CCSER1: variants seen among roughly 807,000 people sequenced by gnomAD.
CCSER1 encodes serine-rich coiled-coil domain-containing protein 1.
Under a neutral mutation model 82.0 loss-of-function variants are expected in CCSER1, and 41 were observed. The ratio of observed to expected loss-of-function variants is 0.50; its 90% confidence interval spans 0.39 to 0.65. The LOEUF is 0.65. Among genes scored for constraint, CCSER1 ranks in the 30% least tolerant of loss-of-function variants. CCSER1 has a pLI of 0.00. For missense variants in CCSER1, 1,119 were observed against 1,064.2 expected, an observed-to-expected ratio of 1.05 and a Z score of -0.72; for synonymous variants, 414 against 383.9, an observed-to-expected ratio of 1.08 and a Z score of -0.92.
intron 4 of CCSER1, among the ~76,000 whole-genome samples, chr4:90,464,319 T>C (rs1210645271): frequency 6.6e-6 from 1 of 152,220 alleles, no homozygotes; most frequent in Non-Finnish European, 1.5e-5. Context: ...GGATAAGCAA[T>C]TTTTGTGACT....
chr4:91,023,412 C>A (rs1740191255), intron 9 of CCSER1, among the ~76,000 whole-genome samples: 1 of 152,174 alleles, frequency 6.6e-6, no homozygotes, highest in Non-Finnish European at 1.5e-5. Context: ...AACTATACTA[C>A]AAGGCTACAG....
chr4:90,376,796 A>T (rs1748390123), intron 3 of CCSER1, among the ~76,000 whole-genome samples: 1 of 152,138 alleles, frequency 6.6e-6, no homozygotes, highest in African/African-American at 2.4e-5. Flanking sequence ...TGTTAAAGAC[A>T]CAATTCTCCA....
At position 91,600,447 on chromosome 4, in the gene CCSER1, T is replaced by C. The variant is rs1764776460; in HGVS notation, c.*1390T>C. On this transcript the variant is annotated 3_prime_UTR_variant, in exon 11 of 11. Transcript: ENST00000509176. ...AGCCATAGTCCATGCAAATTGAAAC[T>C]GTCATACCTACTGCATGATCTGTTT... 6.6e-6 allele frequency: 1 copy of C among 152,182 alleles called. No homozygotes were observed. Among genetic ancestry groups the C allele is most frequent in the African/African-American group, 2.4e-5 (1 of 41,466 alleles). 9.4% of individuals were successfully genotyped at this position (152,182 alleles called of 1,614,324 possible).
At chr4:90,303,460 T>A (rs939965100) in intron 1 of CCSER1, among the ~76,000 whole-genome samples, 1 of 151,926 alleles carries the variant, frequency 6.6e-6, no homozygotes, top group African/African-American at 2.4e-5. Context: ...CAGATATAGA[T>A]CAATGGAACA....
At chr4:90,800,150 T>C (rs911990267) in intron 7 of CCSER1, among the ~76,000 whole-genome samples, 2 of 152,174 alleles carry the variant, frequency 1.3e-5, no homozygotes, top group Non-Finnish European at 2.9e-5. Flanking sequence ...TTTAGGTAGA[T>C]AAATAGATAA....
chr4:91,393,345 G>T (rs1201391745), intron 10 of CCSER1, among the ~76,000 whole-genome samples: 1 of 151,864 alleles, frequency 6.6e-6, no homozygotes, highest in East Asian at 1.9e-4. Flanking sequence ...AGTATTTTTT[G>T]AACCATGCAT....
chr4:91,035,134 A>G (rs1480791176), intron 9 of CCSER1, among the ~76,000 whole-genome samples: 5 of 152,150 alleles, frequency 3.3e-5, no homozygotes, highest in African/African-American at 4.8e-5. Flanking sequence ...TAGAAGTGAG[A>G]TAAAATAAGA....
intron 10 of CCSER1, among the ~76,000 whole-genome samples, chr4:91,177,807 C>CT (rs1733560209): frequency 1.3e-5 from 2 of 152,182 alleles, no homozygotes; most frequent in Admixed American, 6.5e-5. Flanking sequence ...TCTTGCATCT[C>CT]TATCTCCTTC....
chr4:90,473,570 G>A (rs1241053002), intron 5 of CCSER1, among the ~76,000 whole-genome samples: 1 of 152,096 alleles, frequency 6.6e-6, no homozygotes, highest in African/African-American at 2.4e-5. Context: ...TAGTACAAAC[G>A]TCTCATTTTT....
intron 10 of CCSER1, among the ~76,000 whole-genome samples, chr4:91,585,647 A>C (rs1368660631): frequency 6.6e-6 from 1 of 151,544 alleles, no homozygotes; most frequent in African/African-American, 2.4e-5. Flanking sequence ...CTAGGGACTG[A>C]GTTACCTGTC....
intron 9 of CCSER1, among the ~76,000 whole-genome samples, chr4:90,950,351 T>C (rs761125291): frequency 2.0e-5 from 3 of 152,042 alleles, no homozygotes; most frequent in African/African-American, 4.8e-5. Flanking sequence ...TGAGACTAAA[T>C]AAACGTGATG....
At chr4:91,570,957 A>G (rs1763145833) in intron 10 of CCSER1, among the ~76,000 whole-genome samples, 1 of 152,158 alleles carries the variant, frequency 6.6e-6, no homozygotes, top group Admixed American at 6.5e-5. Context: ...AATTCCTTCC[A>G]TCAGATACTC....
At chr4:91,410,905 C>T (rs566723818) in intron 10 of CCSER1, among the ~76,000 whole-genome samples, 1 of 152,104 alleles carries the variant, frequency 6.6e-6, no homozygotes, top group African/African-American at 2.4e-5. Context: ...AAATACAGCA[C>T]ATTCAGAAGC....
At chr4:91,493,315 C>T (rs1758649156) in intron 10 of CCSER1, among the ~76,000 whole-genome samples, 1 of 151,414 alleles carries the variant, frequency 6.6e-6, no homozygotes, top group African/African-American at 2.4e-5. Context: ...ATAAAGAATA[C>T]AAGGGTAGAT....
At chr4:90,257,039 G>A (rs1723439690) in intron 1 of CCSER1, among the ~76,000 whole-genome samples, 1 of 151,890 alleles carries the variant, frequency 6.6e-6, no homozygotes. Context: ...CTGCGGGGGG[G>A]TCTTCGAAGA....
At chr4:90,482,358 T>G (rs1766160034) in intron 5 of CCSER1, among the ~76,000 whole-genome samples, 1 of 152,226 alleles carries the variant, frequency 6.6e-6, no homozygotes, top group Non-Finnish European at 1.5e-5. Flanking sequence ...GGGCTTTTTG[T>G]GTCTCTATTT....
chr4:91,140,621 C>T (rs1394528406), intron 10 of CCSER1, among the ~76,000 whole-genome samples: 1 of 151,980 alleles, frequency 6.6e-6, no homozygotes, highest in Non-Finnish European at 1.5e-5. Flanking sequence ...GTACATTTCT[C>T]CTAGTAAAAA....
At chr4:91,440,543 C>T (rs532377310) in intron 10 of CCSER1, among the ~76,000 whole-genome samples, 1 of 152,264 alleles carries the variant, frequency 6.6e-6, no homozygotes, top group African/African-American at 2.4e-5. Flanking sequence ...GACAGCCTAA[C>T]ATCACAATTA....
intron 10 of CCSER1, among the ~76,000 whole-genome samples, chr4:91,376,761 G>GT (rs888083219): frequency 1.3e-5 from 2 of 151,106 alleles, no homozygotes; most frequent in African/African-American, 4.9e-5. Context: ...GTTTAGGGTA[G>GT]TTTTTTATTA....
Sources: allele counts gnomAD v4.1 joint callset (sites outside exome capture counted in the v4.1 genomes callset), GRCh38; gene constraint gnomAD v4.1.1; transcripts MANE v1.5; gene names NCBI Gene and HGNC (gene_info 2026-07-23, HGNC 2026-07-21).